STPG2: variants seen among roughly 807,000 people sequenced by gnomAD.
The protein encoded by STPG2 is sperm-tail PG-rich repeat-containing protein 2.
STPG2 carries 56 observed loss-of-function variants against 54.2 expected under a neutral mutation model. The ratio of observed to expected loss-of-function variants is 1.03; its 90% CI spans 0.83 to 1.29. STPG2 has a LOEUF of 1.29. Among genes scored for constraint, STPG2 ranks in the 50% most tolerant of loss-of-function variants. The pLI is 0.00. For missense variants in STPG2, 596 were observed against 544.9 expected (o/e 1.09, Z -0.93); for synonymous variants, 200 against 181.8 (o/e 1.10, Z -0.81).
At chr4:97,973,772 G>C (rs1560617666) in intron 6 of STPG2, among the ~76,000 whole-genome samples, 2 of 152,202 alleles carry the variant, frequency 1.3e-5, no homozygotes, top group Non-Finnish European at 2.9e-5. Context: ...GAGGGTGCAA[G>C]CCCAAGCCTT....
intron 8 of STPG2, among the ~76,000 whole-genome samples, chr4:97,940,664 T>C (rs1389106067): frequency 6.6e-6 from 1 of 152,192 alleles, no homozygotes; most frequent in Non-Finnish European, 1.5e-5. Context: ...TGTTAGGTTC[T>C]TTTTTATACC....
chr4:98,053,821 TAAAC>T (rs1421413068), intron 5 of STPG2, among the ~76,000 whole-genome samples: 3 of 152,162 alleles, frequency 2.0e-5, no homozygotes, highest in African/African-American at 4.8e-5. Flanking sequence ...TTTCACAAAA[TAAAC>T]AAAGATAGTT....
At chr4:97,493,529 T>C (rs956528090) in intron 4 of STPG2, among the ~76,000 whole-genome samples, 15 of 150,208 alleles carry the variant, frequency 1.0e-4, no homozygotes, top group African/African-American at 3.4e-4. Context: ...GATAAAATTA[T>C]AGAAAAAAAA....
At chr4:97,626,072 T>A (rs1160589449) in intron 10 of STPG2, among the ~76,000 whole-genome samples, 1 of 152,228 alleles carries the variant, frequency 6.6e-6, no homozygotes, top group Non-Finnish European at 1.5e-5. Flanking sequence ...AAAGTAGTCA[T>A]CTTCAAGTAC....
At chr4:97,939,964 C>A (rs993470515) in intron 8 of STPG2, among the ~76,000 whole-genome samples, 2 of 152,152 alleles carry the variant, frequency 1.3e-5, no homozygotes, top group Non-Finnish European at 2.9e-5. Flanking sequence ...ATACATGGAG[C>A]TTCTTTCAAG....
chr4:98,134,673 C>T (rs954686601), intron 1 of STPG2, among the ~76,000 whole-genome samples: 1 of 150,156 alleles, frequency 6.7e-6, no homozygotes, highest in Non-Finnish European at 1.5e-5. Context: ...AAGAACTTGA[C>T]TTATTGAACA....
intron 5 of STPG2, among the ~76,000 whole-genome samples, chr4:98,050,839 A>G (rs1031074594): frequency 2.6e-5 from 4 of 151,970 alleles, no homozygotes; most frequent in Admixed American, 2.0e-4. Flanking sequence ...CCCCGTCCCT[A>G]CTAAAAATAC....
intron 8 of STPG2, among the ~76,000 whole-genome samples, chr4:97,909,519 A>C (rs1731595220): frequency 6.6e-6 from 1 of 152,320 alleles, no homozygotes; most frequent in East Asian, 1.9e-4. Flanking sequence ...AGGAAATTAC[A>C]GACCAATGCA....
chr4:97,959,369 A>T (rs2149246755), intron 7 of STPG2, among the ~76,000 whole-genome samples: 1 of 152,264 alleles, frequency 6.6e-6, no homozygotes, highest in African/African-American at 2.4e-5. Context: ...AATAACCAAG[A>T]TCAGAGTAGA....
intron 4 of STPG2, among the ~76,000 whole-genome samples, chr4:97,543,864 T>A (rs1373439818): frequency 6.6e-6 from 1 of 152,108 alleles, no homozygotes; most frequent in Admixed American, 6.5e-5. Context: ...CATAGATGGT[T>A]AGCTTCAGTA....
At chr4:97,500,131 A>G (rs1397767627) in intron 4 of STPG2, among the ~76,000 whole-genome samples, 1 of 152,040 alleles carries the variant, frequency 6.6e-6, no homozygotes, top group Non-Finnish European at 1.5e-5. Context: ...AATAATTCAG[A>G]GAAAAGATGA....
chr4:97,775,098 C>A (rs983771063), intron 9 of STPG2, among the ~76,000 whole-genome samples: 10 of 152,098 alleles, frequency 6.6e-5, no homozygotes, highest in Admixed American at 3.9e-4. Flanking sequence ...ATCCTATTTA[C>A]CATCCTGTTG....
chr4:97,951,999 G>A (rs1733490978), intron 7 of STPG2, among the ~76,000 whole-genome samples: 1 of 152,012 alleles, frequency 6.6e-6, no homozygotes, highest in South Asian at 2.1e-4. Context: ...CCTGTGTCAG[G>A]GCAGCAGAAA....
chr4:97,838,138 T>C (rs946838630), intron 9 of STPG2, among the ~76,000 whole-genome samples: 2 of 151,582 alleles, frequency 1.3e-5, no homozygotes, highest in Admixed American at 1.3e-4. Context: ...AATAATTTTA[T>C]CTGATGTATA....
intron 9 of STPG2, among the ~76,000 whole-genome samples, chr4:97,758,235 G>T (rs955069052): frequency 6.6e-6 from 1 of 152,228 alleles, no homozygotes; most frequent in South Asian, 2.1e-4. Context: ...TAAAAGAAAA[G>T]GGAAAGGGAA....
At chr4:98,058,262 T>C (rs529434447) in intron 5 of STPG2, among the ~76,000 whole-genome samples, 2 of 152,096 alleles carry the variant, frequency 1.3e-5, no homozygotes, top group Admixed American at 6.5e-5. Context: ...AGGCACAGAG[T>C]GGCAAGCTAA....
chr4:97,543,796 T>C (rs1463809661), intron 4 of STPG2, among the ~76,000 whole-genome samples: 1 of 152,080 alleles, frequency 6.6e-6, no homozygotes, highest in Non-Finnish European at 1.5e-5. Flanking sequence ...AGAGCATAAA[T>C]AAAGGCTTTT....
At chr4:97,797,199 C>A (rs929188115) in intron 9 of STPG2, among the ~76,000 whole-genome samples, 1 of 152,192 alleles carries the variant, frequency 6.6e-6, no homozygotes, top group East Asian at 1.9e-4. Context: ...TGCCTGATTG[C>A]CCTGGCCAGA....
chr4:97,445,158 A>C (rs1304360246), intron 4 of STPG2, among the ~76,000 whole-genome samples: 1 of 152,216 alleles, frequency 6.6e-6, no homozygotes, highest in East Asian at 1.9e-4. Context: ...AAAATCATTT[A>C]AAAATCTTTG....
Sources: gnomAD v4.1 joint callset for allele counts (sites outside exome capture counted in the v4.1 genomes callset) on GRCh38, gnomAD v4.1.1 for gene constraint, MANE v1.5 for transcripts, NCBI Gene and HGNC (gene_info 2026-07-23, HGNC 2026-07-21) for gene names.